Variants in ZFAND3 observed in about 807,000 individuals in gnomAD.
The protein encoded by ZFAND3 is zinc finger AN1-type containing 3.
ZFAND3 carries 10 observed loss-of-function variants against 29.6 expected under a neutral mutation model. The ratio of observed to expected loss-of-function variants is 0.34; its 90% CI spans 0.21 to 0.57. The LOEUF is 0.57. Among genes scored for constraint, ZFAND3 ranks in the 20% least tolerant of loss-of-function variants. The probability of loss-of-function intolerance (pLI) is 0.86; values close to 1 mark genes in which losing one functional copy is unlikely to be tolerated. For missense variants in ZFAND3, 230 were observed against 304.5 expected, an observed-to-expected ratio of 0.76 and a Z score of 1.82; for synonymous variants, 128 against 112.6, an observed-to-expected ratio of 1.14 and a Z score of -0.87.
chr6:37,873,998 C>G (rs1337066816), intron 1 of ZFAND3, among the ~76,000 whole-genome samples: 1 of 152,148 alleles, frequency 6.6e-6, no homozygotes, highest in Non-Finnish European at 1.5e-5. Context: ...GCTACTGTAA[C>G]AAAGTGTTGC....
In ZFAND3 at chr6:37,819,867, C is replaced by A; in HGVS notation, c.-79C>A. 9.3e-7 allele frequency: 1 copy of A among 1,071,298 alleles called. No individual in the cohort carries two copies. The highest frequency in any genetic ancestry group is 1.2e-6 in the Non-Finnish European group (1 of 867,540). The allele number at this position is 1,071,298 out of a possible 1,614,324, so 66.4% of individuals were successfully genotyped here. ...CGCCCCGAGCCCCCCGACGCCGCCG[C>A]CACCGCCTCCTCAGAGCGGGGCCCG... On this transcript the variant is annotated 5_prime_UTR_variant, in exon 1 of 6. Coordinates refer to ENST00000287218, the MANE Select transcript of ZFAND3 (RefSeq NM_021943.3).
At chr6:37,998,135 G>C (rs1272664011) in intron 2 of ZFAND3, among the ~76,000 whole-genome samples, 3 of 152,172 alleles carry the variant, frequency 2.0e-5, no homozygotes, top group Non-Finnish European at 4.4e-5. Flanking sequence ...AAAAGAAATA[G>C]GCTGTCAAAC....
At chr6:37,922,312 C>G (rs1195413272) in intron 1 of ZFAND3, among the ~76,000 whole-genome samples, 1 of 151,852 alleles carries the variant, frequency 6.6e-6, no homozygotes, top group Non-Finnish European at 1.5e-5. Flanking sequence ...TGGGGAAAAA[C>G]AATTATACAT....
chr6:37,821,826 T>C (rs927259190), intron 1 of ZFAND3, among the ~76,000 whole-genome samples: 2 of 152,128 alleles, frequency 1.3e-5, no homozygotes, highest in African/African-American at 4.8e-5. Context: ...GAATAGCCTT[T>C]TACCTTTATT....
intron 1 of ZFAND3, among the ~76,000 whole-genome samples, chr6:37,871,577 G>T (rs531089269): frequency 2.6e-5 from 4 of 152,190 alleles, no homozygotes; most frequent in Admixed American, 6.5e-5. Context: ...TGATAGTATT[G>T]TATCAACATT....
chr6:38,022,209 A>AT (rs1304436570), intron 2 of ZFAND3, among the ~76,000 whole-genome samples: 1 of 152,260 alleles, frequency 6.6e-6, no homozygotes, highest in Non-Finnish European at 1.5e-5. Context: ...TTGAATGCAC[A>AT]TTAAAATTTG....
At chr6:38,144,183 T>A (rs10456459) in intron 5 of ZFAND3, among the ~76,000 whole-genome samples, 9 of 22,148 alleles carry the variant, frequency 4.1e-4, no homozygotes, top group African/African-American at 9.2e-4. Context: ...TATATATATA[T>A]AATATATATA....
At chr6:37,847,372 G>C (rs1236350506) in intron 1 of ZFAND3, among the ~76,000 whole-genome samples, 1 of 151,950 alleles carries the variant, frequency 6.6e-6, no homozygotes, top group African/African-American at 2.4e-5. Flanking sequence ...TCAGGAGATC[G>C]AGACCATCCT....
chr6:38,045,063 T>TTTA (rs1243854718), intron 2 of ZFAND3, among the ~76,000 whole-genome samples: 2 of 132,408 alleles, frequency 1.5e-5, no homozygotes, highest in Non-Finnish European at 3.2e-5. Flanking sequence ...CTTTTATTTA[T>TTTA]TTATTTATTT....
At chr6:37,906,697 T>TC (rs1211289845) in intron 1 of ZFAND3, among the ~76,000 whole-genome samples, 1 of 114,106 alleles carries the variant, frequency 8.8e-6, no homozygotes, top group Non-Finnish European at 1.9e-5. Flanking sequence ...ACACTTACTT[T>TC]CTGTTTTTTT....
intron 1 of ZFAND3, among the ~76,000 whole-genome samples, chr6:37,826,383 A>G (rs1224427103): frequency 6.6e-6 from 1 of 152,194 alleles, no homozygotes; most frequent in African/African-American, 2.4e-5. Context: ...ACAAGATTAC[A>G]TTGCTGAGTG....
At chr6:37,983,790 T>G (rs1423225934) in intron 2 of ZFAND3, among the ~76,000 whole-genome samples, 1 of 152,224 alleles carries the variant, frequency 6.6e-6, no homozygotes, top group Non-Finnish European at 1.5e-5. Context: ...TATACAGGTT[T>G]GTAGTCCAAG....
At chr6:37,903,402 G>C (rs1765354079) in intron 1 of ZFAND3, among the ~76,000 whole-genome samples, 1 of 152,156 alleles carries the variant, frequency 6.6e-6, no homozygotes, top group African/African-American at 2.4e-5. Flanking sequence ...TGGTCATCTA[G>C]ATTACCACAT....
At chr6:37,944,376 A>G (rs1006452673) in intron 2 of ZFAND3, among the ~76,000 whole-genome samples, 6 of 152,214 alleles carry the variant, frequency 3.9e-5, no homozygotes, top group Non-Finnish European at 7.3e-5. Context: ...TCTAAGATAC[A>G]TACTCTGTGG....
rs1419890676 is a variant in ZFAND3, at chr6:38,041,782, T to TC, written c.113-19810dup. 2.3e-3 allele frequency among the ~76,000 whole-genome samples: 6 copies of TC among 2,618 alleles called. 3 individuals carry two copies. Among genetic ancestry groups the TC allele is most frequent in the Admixed American group, 0.029 (2 of 70 alleles). The allele number at this position is 2,618 out of a possible 152,430, so 1.7% of individuals were successfully genotyped here. A position where few individuals can be genotyped will look rare whatever the true frequency, so the allele number is the denominator to read the frequency against. ...CTCCTCCTCCTCCTCCTCCTCCTCC[T>TC]CTTCTTTCTTCTTCTTCTCCTCTTC... On this transcript the variant is annotated intron_variant, in intron 2 of 5. Coordinates refer to ENST00000287218, the MANE Select transcript of ZFAND3 (RefSeq NM_021943.3).
At chr6:37,871,661 T>C (rs1330566148) in intron 1 of ZFAND3, among the ~76,000 whole-genome samples, 1 of 152,218 alleles carries the variant, frequency 6.6e-6, no homozygotes, top group Non-Finnish European at 1.5e-5. Context: ...TGAAGGTAGC[T>C]TAAAAAAATC....
At chr6:37,824,829 C>T (rs1302697025) in intron 1 of ZFAND3, among the ~76,000 whole-genome samples, 1 of 152,022 alleles carries the variant, frequency 6.6e-6, no homozygotes, top group African/African-American at 2.4e-5. Flanking sequence ...AGCATTTTGC[C>T]TACAAACTAA....
At chr6:37,838,320 C>G (rs961319834) in intron 1 of ZFAND3, among the ~76,000 whole-genome samples, 1 of 152,128 alleles carries the variant, frequency 6.6e-6, no homozygotes, top group Non-Finnish European at 1.5e-5. Flanking sequence ...ATATAATTCA[C>G]CTACCATAAA....
chr6:38,116,760 CG>C, intron 5 of ZFAND3, 21 bp downstream of exon 5: 1 of 1,610,276 alleles, frequency 6.2e-7, no homozygotes, highest in Non-Finnish European at 8.5e-7. Flanking sequence ...CCCCCAGTGG[CG>C]TGATGGAGAC....
Sources: allele counts gnomAD v4.1 joint callset (sites outside exome capture counted in the v4.1 genomes callset), GRCh38; gene constraint gnomAD v4.1.1; transcripts MANE v1.5; gene names NCBI Gene and HGNC (gene_info 2026-07-23, HGNC 2026-07-21).